Variants in TCERG1L observed in about 807,000 individuals in gnomAD.
TCERG1L encodes the protein transcription elongation regulator 1 like, also known as transcription elongation regulator 1-like protein.
A neutral mutation model predicts 56.3 loss-of-function variants in TCERG1L; 37 were observed. The observed-to-expected ratio is 0.66, with a 90% confidence interval of 0.51 to 0.87. TCERG1L has a LOEUF of 0.87. TCERG1L is among the 40% of genes least tolerant of loss of function. The pLI is 0.00. For synonymous variants in TCERG1L, 324 were observed against 326.3 expected (o/e 0.99, Z 0.08); for missense variants, 799 against 774.2 (o/e 1.03, Z -0.38).
chr10:131,252,882 G>T (rs1354311818), intron 4 of TCERG1L, among the ~76,000 whole-genome samples: 1 of 152,184 alleles, frequency 6.6e-6, no homozygotes, highest in African/African-American at 2.4e-5. Context: ...GCAGCCATGG[G>T]TGACTCCTTC....
intron 3 of TCERG1L, among the ~76,000 whole-genome samples, chr10:131,307,931 T>C (rs1167485060): frequency 2.0e-5 from 3 of 151,952 alleles, no homozygotes; most frequent in African/African-American, 7.3e-5. Flanking sequence ...GGAAACCTGG[T>C]CCAATCCTAA....
chr10:131,158,620 A>T (rs1845946513), intron 6 of TCERG1L, among the ~76,000 whole-genome samples: 1 of 152,134 alleles, frequency 6.6e-6, no homozygotes, highest in African/African-American at 2.4e-5. Context: ...TGGCCGGCCC[A>T]CCTATGTGGA....
Position 131,116,893 on chromosome 10 carries a change from C to A in TCERG1L, c.1301G>T (p.Arg434Ile). ...CGSPKPEEAK[R>I]EDKGTRTPPP... The stretch of plus-strand genomic sequence containing the variant: ...CGGCGTCCTTGTGCCTTTGTCCTCT[C>A]TCTTTGCCTCCTCTGGCTTGGGACT... Residue 434 changes from arginine (R) to isoleucine (I), a missense_variant, in exon 9 of 12, where the codon AGA (arginine) becomes ATA (isoleucine). Coordinates refer to ENST00000368642, the MANE Select transcript of TCERG1L (RefSeq NM_174937.4). 1 of 1,604,760 alleles carries A rather than the reference C, an allele frequency of 6.2e-7. No individual in the cohort carries two copies. Among genetic ancestry groups the A allele is most frequent in the Non-Finnish European group, 8.5e-7 (1 of 1,176,106 alleles).
chr10:131,277,247 T>G (rs1419839028), intron 3 of TCERG1L, among the ~76,000 whole-genome samples: 1 of 152,144 alleles, frequency 6.6e-6, no homozygotes, highest in African/African-American at 2.4e-5. Context: ...CACAGAGGGC[T>G]TAAAGCTGGA....
chr10:131,238,764 A>G (rs1429814183), intron 4 of TCERG1L, among the ~76,000 whole-genome samples: 1 of 152,198 alleles, frequency 6.6e-6, no homozygotes, highest in Non-Finnish European at 1.5e-5. Flanking sequence ...CCACTTGCCC[A>G]TCACGCGGGC....
intron 6 of TCERG1L, among the ~76,000 whole-genome samples, chr10:131,153,287 C>A (rs932590525): frequency 6.6e-6 from 1 of 152,130 alleles, no homozygotes; most frequent in Non-Finnish European, 1.5e-5. Context: ...ACCTGAATTT[C>A]CCCGGATGTC....
intron 9 of TCERG1L, 53 bp downstream of exon 9, chr10:131,116,746 C>T: frequency 2.6e-6 from 4 of 1,540,652 alleles, no homozygotes; most frequent in Non-Finnish European, 3.5e-6. Context: ...CACTCAGCTG[C>T]TGTTCCCCCG....
At chr10:131,299,979 T>C (rs1589777359) in intron 3 of TCERG1L, among the ~76,000 whole-genome samples, 1 of 152,312 alleles carries the variant, frequency 6.6e-6, no homozygotes, top group Non-Finnish European at 1.5e-5. Flanking sequence ...ATTCCATCTC[T>C]AGCACTCTTC....
chr10:131,304,222 C>T lies in TCERG1L; in HGVS notation c.670+3989G>A, dbSNP rs957126293. ...TAGCAAGATCCTTCTATTTCATTTG[C>T]CTTTGCTGGAAAGAAGCTGAATTAA... On this transcript the variant is annotated intron_variant, in intron 3 of 11. Transcript: ENST00000368642. 3.9e-5 allele frequency among the ~76,000 whole-genome samples: 6 copies of T among 152,038 alleles called. 1 individual carries two copies. Among genetic ancestry groups the T allele is most frequent in the African/African-American group, 1.5e-4 (6 of 41,326 alleles).
chr10:131,118,019 G>C lies in TCERG1L; in HGVS notation c.1260-1085C>G, dbSNP rs542055100. Among the ~76,000 whole-genome samples, 2 of 152,250 alleles carry C rather than the reference G, an allele frequency of 1.3e-5. No individual in the cohort carries two copies. The highest frequency in any genetic ancestry group is 4.1e-4 in the South Asian group (2 of 4,830). On this transcript the variant is annotated intron_variant, in intron 8 of 11. Coordinates refer to ENST00000368642, the MANE Select transcript of TCERG1L (RefSeq NM_174937.4). This position sits in a 1 kb window ranked among gnomAD's most constrained non-coding sequence, Gnocchi z 4.2. ...AGGATGCAGCCTGTTCTCCAGGACG[G>C]GCAGACTCAACCCGCGCTGGGTTGG...
intron 6 of TCERG1L, chr10:131,160,968 A>G (rs1171163162): frequency 6.6e-6 from 1 of 152,134 alleles, no homozygotes; most frequent in Non-Finnish European, 1.5e-5. Context: ...GGTCTTGGGG[A>G]ACGTTTCCCC....
intron 9 of TCERG1L, among the ~76,000 whole-genome samples, chr10:131,112,378 C>T (rs1845420451): frequency 7.0e-6 from 1 of 142,730 alleles, no homozygotes; most frequent in African/African-American, 2.5e-5. Flanking sequence ...GGCTCCTTCC[C>T]AGGACTTTCT....
Position 131,260,108 on chromosome 10 carries a change from A to C in TCERG1L, c.856+151T>G. On this transcript the variant is annotated intron_variant, in intron 4 of 11. Transcript: ENST00000368642. The surrounding 1 kb of genome is among the most constrained non-coding windows in gnomAD (Gnocchi z 5.8). ...ATTTGCAGGGTCCGAAGTCAAGCAA[A>C]GCCCAAACGGCCCCAGCCGAATGTT... The C allele has an allele frequency of 8.2e-7, 1 of 1,225,616 alleles. No individual in the cohort carries two copies. The highest frequency in any genetic ancestry group is 1.0e-6 in the Non-Finnish European group (1 of 982,126). The allele number at this position is 1,225,616 out of a possible 1,614,324, so 75.9% of individuals were successfully genotyped here.
intron 4 of TCERG1L, among the ~76,000 whole-genome samples, chr10:131,178,127 C>A (rs1196865889): frequency 1.3e-5 from 2 of 152,116 alleles, no homozygotes; most frequent in Non-Finnish European, 2.9e-5. Flanking sequence ...CCCCTGAGGA[C>A]CCTGCCTCCC....
chr10:131,223,480 C>T (rs932510917), intron 4 of TCERG1L, among the ~76,000 whole-genome samples: 1 of 152,192 alleles, frequency 6.6e-6, no homozygotes, highest in African/African-American at 2.4e-5. Flanking sequence ...TCCACCCTTT[C>T]CTATATCTGC....
At chr10:131,152,015 C>G (rs9633658) in intron 6 of TCERG1L, among the ~76,000 whole-genome samples, 93,947 of 152,010 alleles carry the variant, frequency 0.62, 29,917 homozygotes, top group Non-Finnish European at 0.69. Context: ...TTCAAGGCTG[C>G]ACAGAGCAGG....
Position 131,111,912 on chromosome 10 carries a change from C to T in TCERG1L, c.1395+4887G>A, listed in dbSNP as rs1362588842. ...GGCAGCCGAAAGGCATCTCCAGGTC[C>T]CTTGGTCCCTAGTCATGGGCCCTGC... On this transcript the variant is annotated intron_variant, in intron 9 of 11. Coordinates refer to ENST00000368642, the MANE Select transcript of TCERG1L (RefSeq NM_174937.4). 1.4e-5 allele frequency among the ~76,000 whole-genome samples: 2 copies of T among 143,272 alleles called. 1 individual carries two copies. Among genetic ancestry groups the T allele is most frequent in the African/African-American group, 4.9e-5 (2 of 40,616 alleles). The allele number at this position is 143,272 out of a possible 152,430, so 94.0% of individuals were successfully genotyped here.
chr10:131,098,450 A>G (rs1845271835), intron 10 of TCERG1L, 26 bp from the exon 11 acceptor site: 1 of 1,526,608 alleles, frequency 6.6e-7, no homozygotes, highest in Non-Finnish European at 8.8e-7. Flanking sequence ...CAGAAGAAAA[A>G]CATCATGAAA....
chr10:131,257,002 A>G (rs1366917853), intron 4 of TCERG1L, among the ~76,000 whole-genome samples: 15 of 116,022 alleles, frequency 1.3e-4, no homozygotes, highest in African/African-American at 4.1e-4. Flanking sequence ...GGAAAGAAAG[A>G]AAGAAAGAAA....
Sources: allele counts gnomAD v4.1 joint callset (sites outside exome capture counted in the v4.1 genomes callset), GRCh38; gene constraint gnomAD v4.1.1; non-coding constraint Gnocchi (gnomAD v3.1); transcripts MANE v1.5; gene names NCBI Gene and HGNC (gene_info 2026-07-23, HGNC 2026-07-21).